CEP85L: variants seen among roughly 807,000 people sequenced by gnomAD.
The protein encoded by CEP85L is centrosomal protein 85L.
CEP85L carries 60 observed loss-of-function variants against 100.3 expected under a neutral mutation model. The ratio of observed to expected loss-of-function variants is 0.60; its 90% CI spans 0.49 to 0.74. The LOEUF is 0.74. Among genes scored for constraint, CEP85L ranks in the 30% least tolerant of loss-of-function variants. The pLI is 0.00. For missense variants in CEP85L, 973 were observed against 936.2 expected (o/e 1.04, Z -0.51); for synonymous variants, 319 against 322.7 (o/e 0.99, Z 0.12).
At chr6:118,541,922 C>A (rs760408670) in intron 3 of CEP85L, among the ~76,000 whole-genome samples, 1 of 152,098 alleles carries the variant, frequency 6.6e-6, no homozygotes, top group Non-Finnish European at 1.5e-5. Context: ...ATGTAACTGA[C>A]CAAATCTTGA....
intron 2 of CEP85L, among the ~76,000 whole-genome samples, chr6:118,625,645 T>A (rs963650423): frequency 2.6e-5 from 4 of 152,174 alleles, no homozygotes; most frequent in African/African-American, 9.7e-5. Context: ...AGAATGTTGC[T>A]ACTTTGTCAA....
At chr6:118,651,125 G>C in intron 1 of CEP85L, 72 bp downstream of exon 1, 6 of 1,435,414 alleles carry the variant, frequency 4.2e-6, no homozygotes, top group Non-Finnish European at 5.4e-6. Context: ...GGAGGGGAGC[G>C]GCGGCGAGGT....
chr6:118,531,957 ACT>A (rs1002737290), intron 3 of CEP85L, among the ~76,000 whole-genome samples: 2 of 152,084 alleles, frequency 1.3e-5, no homozygotes, highest in African/African-American at 4.8e-5. Flanking sequence ...TTTCCCAAAA[ACT>A]CAAAGCAGAA....
At chr6:118,568,532 T>G (rs112633569) in intron 2 of CEP85L, among the ~76,000 whole-genome samples, 1 of 152,276 alleles carries the variant, frequency 6.6e-6, no homozygotes, top group African/African-American at 2.4e-5. Context: ...TAGGTAAAGG[T>G]GAAGCAGAAT....
At chr6:118,514,881 T>C (rs1005820004) in intron 4 of CEP85L, among the ~76,000 whole-genome samples, 1 of 151,954 alleles carries the variant, frequency 6.6e-6, no homozygotes, top group Non-Finnish European at 1.5e-5. Context: ...TAGAGCTCAC[T>C]ACAGCCTTGA....
intron 3 of CEP85L, among the ~76,000 whole-genome samples, chr6:118,539,635 CA>C (rs1379732201): frequency 6.7e-6 from 1 of 150,234 alleles, no homozygotes; most frequent in Non-Finnish European, 1.5e-5. Context: ...ATGTGAAGGA[CA>C]TGCAGGTTTC....
At chr6:118,486,026 T>C (rs1332852099) in intron 6 of CEP85L, among the ~76,000 whole-genome samples, 1 of 152,222 alleles carries the variant, frequency 6.6e-6, no homozygotes, top group Admixed American at 6.5e-5. Flanking sequence ...TTTGCTGTCA[T>C]GTCAAGCTTG....
intron 2 of CEP85L, among the ~76,000 whole-genome samples, chr6:118,618,747 A>G (rs1562314361): frequency 6.6e-6 from 1 of 152,168 alleles, no homozygotes; most frequent in Non-Finnish European, 1.5e-5. Context: ...CCTGGCCTAG[A>G]GGACATCAAC....
intron 2 of CEP85L, among the ~76,000 whole-genome samples, chr6:118,594,665 G>A (rs749452705): frequency 1.1e-4 from 17 of 151,742 alleles, no homozygotes; most frequent in Non-Finnish European, 2.2e-4. Context: ...TCAGGAGATC[G>A]AGACCATGGT....
chr6:118,505,748 C>G (rs988041640), intron 5 of CEP85L, among the ~76,000 whole-genome samples: 1 of 152,126 alleles, frequency 6.6e-6, no homozygotes, highest in African/African-American at 2.4e-5. Flanking sequence ...ATGGGTTGAA[C>G]AGGCAGAGCA....
intron 1 of CEP85L, among the ~76,000 whole-genome samples, chr6:118,666,405 C>T (rs1776135383): frequency 6.6e-6 from 1 of 152,162 alleles, no homozygotes; most frequent in Non-Finnish European, 1.5e-5. Flanking sequence ...GGGTCAGAGC[C>T]TGAATTAAAA....
upstream of CEP85L, among the ~76,000 whole-genome samples, chr6:118,655,412 G>C (rs561037603): frequency 1.3e-5 from 2 of 152,338 alleles, no homozygotes; most frequent in South Asian, 2.1e-4. Context: ...GAACTGCTTA[G>C]GACTGACATC....
intron 2 of CEP85L, among the ~76,000 whole-genome samples, chr6:118,568,782 T>C (rs753178562): frequency 3.6e-4 from 55 of 152,298 alleles, no homozygotes; most frequent in Non-Finnish European, 6.5e-4. Context: ...GGGAATATGC[T>C]ACTGAGGGTT....
intron 5 of CEP85L, chr6:118,502,248 A>G: frequency 1.7e-6 from 1 of 595,100 alleles, no homozygotes; most frequent in Non-Finnish European, 3.1e-6. Flanking sequence ...ATGACTCCAC[A>G]TTTATGAATA....
chr6:118,659,393 G>T (rs4945623), intron 1 of CEP85L, among the ~76,000 whole-genome samples: 1 of 151,950 alleles, frequency 6.6e-6, no homozygotes, highest in African/African-American at 2.4e-5. Flanking sequence ...TAATTAATTA[G>T]GTACTTTTTT....
intron 1 of CEP85L, among the ~76,000 whole-genome samples, chr6:118,670,171 C>G (rs371646928): frequency 2.0e-5 from 3 of 151,330 alleles, no homozygotes; most frequent in Non-Finnish European, 4.4e-5. Context: ...GGGGCTTGCC[C>G]GTGTGACTTG....
At chr6:118,666,804 G>T (rs1409032768) in intron 1 of CEP85L, among the ~76,000 whole-genome samples, 1 of 151,952 alleles carries the variant, frequency 6.6e-6, no homozygotes, top group African/African-American at 2.4e-5. Flanking sequence ...CTGTGTGAGA[G>T]TTCAGTCTGC....
intron 1 of CEP85L, among the ~76,000 whole-genome samples, chr6:118,699,114 A>T (rs117944790): frequency 6.6e-6 from 1 of 152,238 alleles, no homozygotes; most frequent in East Asian, 1.9e-4. Context: ...ACAGAGAATT[A>T]AGTGCTTATA....
intron 1 of CEP85L, among the ~76,000 whole-genome samples, chr6:118,647,979 C>A (rs532361034): frequency 3.7e-4 from 56 of 152,296 alleles, no homozygotes; most frequent in African/African-American, 1.3e-3. Context: ...TTTAGCTGGG[C>A]GCGGTTACTC....
Sources: gnomAD v4.1 joint callset for allele counts (sites outside exome capture counted in the v4.1 genomes callset) on GRCh38, gnomAD v4.1.1 for gene constraint, MANE v1.5 for transcripts, NCBI Gene and HGNC (gene_info 2026-07-23, HGNC 2026-07-21) for gene names.